The following YIPF1 variants were observed in gnomAD, a reference collection of about 807,000 sequenced individuals.
YIPF1 encodes Yip1 domain family member 1.
In YIPF1, 22 loss-of-function variants were observed where a neutral mutation model predicts 37.0. The observed-to-expected ratio is 0.59, with a 90% CI of 0.42 to 0.85. YIPF1 has a LOEUF of 0.85. YIPF1 is among the 40% of genes least tolerant of loss of function. The pLI, the probability that YIPF1 is intolerant of heterozygous loss-of-function variation, is 0.00. For missense variants in YIPF1, 355 were observed against 373.1 expected, an observed-to-expected ratio of 0.95 and a Z score of 0.40; for synonymous variants, 128 against 131.9, an observed-to-expected ratio of 0.97 and a Z score of 0.21.
At chr1:53,864,236 G>GC (rs1649961451) in intron 9 of YIPF1, among the ~76,000 whole-genome samples, 1 of 152,216 alleles carries the variant, frequency 6.6e-6, no homozygotes, top group Non-Finnish European at 1.5e-5. Flanking sequence ...GACGAGAGAT[G>GC]CCAGTGAGAG....
At chr1:53,865,466 C>T (rs1340716714) in intron 9 of YIPF1, among the ~76,000 whole-genome samples, 2 of 152,148 alleles carry the variant, frequency 1.3e-5, no homozygotes. Context: ...ATTTACATTG[C>T]ACTAGGTATT....
At chr1:53,868,432 A>G (rs1314872788) in intron 7 of YIPF1, among the ~76,000 whole-genome samples, 1 of 152,230 alleles carries the variant, frequency 6.6e-6, no homozygotes, top group Non-Finnish European at 1.5e-5. Flanking sequence ...GAAAAATAAT[A>G]TACTACCTTC....
chr1:53,876,233 T>A (rs1451047341), intron 6 of YIPF1, among the ~76,000 whole-genome samples: 1 of 152,202 alleles, frequency 6.6e-6, no homozygotes, highest in African/African-American at 2.4e-5. Flanking sequence ...TTTGTGGGAG[T>A]TCGACATATA....
intron 7 of YIPF1, among the ~76,000 whole-genome samples, chr1:53,870,160 CTTT>C (rs753978320): frequency 4.4e-5 from 4 of 91,192 alleles, no homozygotes; most frequent in Admixed American, 4.0e-4. Context: ...CACCGGGTCT[CTTT>C]TTTTTTTTTT....
In YIPF1 at chr1:53,881,693, A is replaced by G. The variant is rs544118054; in HGVS notation, c.195+1420T>C. 2.6e-5 allele frequency among the ~76,000 whole-genome samples: 4 copies of G among 152,340 alleles called. No individual in the cohort carries two copies. The East Asian group carries it at 7.7e-4, about 29-fold the overall frequency. ...CATGCCAGTCAGAATGGTGATTATT[A>G]AAAAGTCAAGAAACAACAGATGCTA... On this transcript the variant is annotated intron_variant, in intron 4 of 10. Transcript: ENST00000072644.
chr1:53,875,698 G>A (rs538159252), intron 6 of YIPF1, among the ~76,000 whole-genome samples: 7 of 152,232 alleles, frequency 4.6e-5, no homozygotes, highest in African/African-American at 1.7e-4. Flanking sequence ...GCCTCTTGAG[G>A]TTCTTTGAAT....
At chr1:53,880,790 T>C (rs1650469544) in intron 4 of YIPF1, among the ~76,000 whole-genome samples, 1 of 152,118 alleles carries the variant, frequency 6.6e-6, no homozygotes, top group Non-Finnish European at 1.5e-5. Flanking sequence ...TCGAAAAACC[T>C]GACAAAAACA....
At chr1:53,866,995 C>T in intron 7 of YIPF1, 71 bp from the exon 8 acceptor site, 1 of 1,502,838 alleles carries the variant, frequency 6.7e-7, no homozygotes, top group Non-Finnish European at 8.9e-7. Flanking sequence ...CTTCCAACAC[C>T]TTATTGTACT....
chr1:53,871,180 A>G (rs541413188), intron 7 of YIPF1, among the ~76,000 whole-genome samples, 192 bp downstream of exon 7: 1 of 152,314 alleles, frequency 6.6e-6, no homozygotes, highest in African/African-American at 2.4e-5. Flanking sequence ...TACCACTGTA[A>G]GAAGAAAAAG....
intron 2 of YIPF1, 58 bp from the exon 3 acceptor site, chr1:53,889,044 A>C: frequency 1.1e-6 from 1 of 906,820 alleles, no homozygotes; most frequent in East Asian, 2.5e-5. Flanking sequence ...TCTGCAAACA[A>C]CTCTTATGTA....
chr1:53,875,424 G>A (rs368869861), intron 6 of YIPF1, among the ~76,000 whole-genome samples: 1 of 152,290 alleles, frequency 6.6e-6, no homozygotes. Context: ...ATGAGGTGGG[G>A]GAGGATGGCT....
intron 9 of YIPF1, 100 bp from the exon 10 acceptor site, chr1:53,860,253 C>A: frequency 9.8e-7 from 1 of 1,021,570 alleles, no homozygotes. Context: ...ACTCTCACAG[C>A]CCCTAAGTTC....
intron 3 of YIPF1, among the ~76,000 whole-genome samples, chr1:53,887,453 A>C (rs34589111): frequency 0.033 from 4,982 of 151,912 alleles, 143 homozygotes; most frequent in East Asian, 0.12. Context: ...TGAGTTTTAG[A>C]AGGACTACTC....
chr1:53,852,625 T>C (rs1649624264), intron 10 of YIPF1, among the ~76,000 whole-genome samples: 1 of 152,108 alleles, frequency 6.6e-6, no homozygotes, highest in South Asian at 2.1e-4. Flanking sequence ...AGAGTGGATA[T>C]GGAGGGACTT....
In YIPF1 at chr1:53,867,025, T is replaced by C. The variant is rs1650048622; in HGVS notation, c.482-101A>G. ...TGTACTTAAATGCTAACATGTCAAT[T>C]GACTTCAGTGGACCACGGAATCATG... On this transcript the variant is annotated intron_variant, in intron 7 of 10. Coordinates refer to ENST00000072644, the MANE Select transcript of YIPF1 (RefSeq NM_018982.5). 23 of 1,377,486 alleles carry C rather than the reference T, an allele frequency of 1.7e-5. No homozygotes were observed. The South Asian group carries it at 3.4e-4, about 20-fold the overall frequency. 85.3% of individuals were successfully genotyped at this position (1,377,486 alleles called of 1,614,324 possible).
At chr1:53,867,500 G>C (rs1260469558) in intron 7 of YIPF1, among the ~76,000 whole-genome samples, 1 of 151,584 alleles carries the variant, frequency 6.6e-6, no homozygotes, top group Admixed American at 6.6e-5. Context: ...AGCCTCCCGA[G>C]TAGCTGGGAC....
At chr1:53,868,173 T>C (rs1650082653) in intron 7 of YIPF1, among the ~76,000 whole-genome samples, 1 of 152,378 alleles carries the variant, frequency 6.6e-6, no homozygotes, top group Non-Finnish European at 1.5e-5. Flanking sequence ...TCTGCTGATG[T>C]ACTGCCTTTT....
Position 53,870,160 on chromosome 1 carries a change from C to CTTTTTTT in YIPF1, c.481+1205_481+1211dup, listed in dbSNP as rs753978320. ...AGGCTTGAGCCACCGCACCGGGTCT[C>CTTTTTTT]TTTTTTTTTTTTTTTTTTTTTTTTT... is the stretch of plus-strand genomic sequence containing the variant. On this transcript the variant is annotated intron_variant, in intron 7 of 10. Coordinates refer to ENST00000072644, the MANE Select transcript of YIPF1 (RefSeq NM_018982.5). Among the ~76,000 whole-genome samples the CTTTTTTT allele has an allele frequency of 1.1e-3, 101 of 91,188 alleles. 7 individuals are homozygous for CTTTTTTT. The highest frequency in any genetic ancestry group is 1.9e-3 in the South Asian group (5 of 2,666). The allele number at this position is 91,188 out of a possible 152,430, so 59.8% of individuals were successfully genotyped here. A position where few individuals can be genotyped will look rare whatever the true frequency, so the allele number is the denominator to read the frequency against.
At chr1:53,885,819 C>CAAAAAAAAAAAAAAAAAAGAAAA (rs1650635387) in intron 3 of YIPF1, among the ~76,000 whole-genome samples, 2 of 83,890 alleles carry the variant, frequency 2.4e-5, no homozygotes, top group African/African-American at 5.0e-5. Flanking sequence ...GACTCGGTCT[C>CAAAAAAAAAAAAAAAAAAGAAAA]AAAAAAAAAA....
Sources: allele counts gnomAD v4.1 joint callset (sites outside exome capture counted in the v4.1 genomes callset), GRCh38; gene constraint gnomAD v4.1.1; transcripts MANE v1.5; gene names NCBI Gene and HGNC (gene_info 2026-07-23, HGNC 2026-07-21).